Variants in SCN4A observed in about 807,000 individuals in gnomAD.
SCN4A encodes sodium channel protein type 4 subunit alpha.
Under a neutral mutation model 162.0 loss-of-function variants are expected in SCN4A, and 83 were observed. The ratio of observed to expected loss-of-function variants is 0.51; its 90% confidence interval spans 0.43 to 0.61. SCN4A has a LOEUF of 0.61. Among genes scored for constraint, SCN4A ranks in the 20% least tolerant of loss-of-function variants. The pLI is 0.00. For synonymous variants in SCN4A, 944 were observed against 985.1 expected, an observed-to-expected ratio of 0.96 and a Z score of 0.78; for missense variants, 2,196 against 2,462.5, an observed-to-expected ratio of 0.89 and a Z score of 2.29.
chr17:63,953,188 G>A (rs748031399), intron 13 of SCN4A, among the ~76,000 whole-genome samples: 2 of 152,000 alleles, frequency 1.3e-5, no homozygotes, highest in Non-Finnish European at 1.5e-5. Context: ...GTGAAACCCC[G>A]TCTCTACTAA....
rs377161258 is a variant in SCN4A, at chr17:63,941,445, C to G, written c.4837G>C (p.Gly1613Arg). 4 of 1,614,000 alleles carry G rather than the reference C, an allele frequency of 2.5e-6. No individual in the cohort carries two copies. In the African/African-American group the frequency reaches 4.0e-5, roughly 16 times the overall value. Reference sequence around the variant, plus strand: ...TAGAACATCTCAAAGTCATCTTCACCAAGGGGCTCGCTGCTCTCCTCTGTG... The same window carrying G: ...TAGAACATCTCAAAGTCATCTTCACGAAGGGGCTCGCTGCTCTCCTCTGTG... ...VATEESSEPL[G>R]EDDFEMFYET... Residue 1613 changes from glycine (G) to arginine (R), a missense_variant, in exon 24 of 24, where the codon GGT becomes CGT. Coordinates refer to ENST00000435607, the MANE Select transcript of SCN4A (RefSeq NM_000334.4). This position sits in a 1 kb window ranked among gnomAD's most constrained non-coding sequence, Gnocchi z 6.2.
chr17:63,968,728 T>G (rs1331610254), intron 5 of SCN4A, among the ~76,000 whole-genome samples: 2 of 152,216 alleles, frequency 1.3e-5, no homozygotes, highest in Admixed American at 1.3e-4. Context: ...AAGGGGGCGT[T>G]GATAATGTTT....
chr17:63,947,092 G>A lies in SCN4A; in HGVS notation c.3394C>T (p.Arg1132Trp), dbSNP rs778176181. 19 of 1,409,154 alleles carry A rather than the reference G, an allele frequency of 1.3e-5. No individual in the cohort carries two copies. Among genetic ancestry groups the A allele is most frequent in the South Asian group, 5.6e-5 (5 of 88,496 alleles). The allele number at this position is 1,409,154 out of a possible 1,614,324, so 87.3% of individuals were successfully genotyped here. A position where few individuals can be genotyped will look rare whatever the true frequency, so the allele number is the denominator to read the frequency against. Residue 1132 changes from arginine (R) to tryptophan (W), a missense_variant, in exon 18 of 24, where the codon CGG becomes TGG. Transcript: ENST00000435607. The part of the protein sequence containing the change: ...LGPIKSLRTL[R>W]ALRPLRALSR... The stretch of plus-strand genomic sequence containing the variant: ...AGTGCCCTCAGGGGACGCAGGGCCC[G>A]CAGTGTCCGCAGGGATTTGATGGGT...
At chr17:63,964,718 T>A (rs2877373) in intron 8 of SCN4A, 41 bp from the exon 9 acceptor site, 9 of 1,513,796 alleles carry the variant, frequency 5.9e-6, no homozygotes, top group Non-Finnish European at 8.1e-6. Context: ...TCCCATGACG[T>A]CCACCTCCTT....
At chr17:63,946,194 G>A (rs907750630) in intron 18 of SCN4A, among the ~76,000 whole-genome samples, 3 of 152,168 alleles carry the variant, frequency 2.0e-5, no homozygotes, top group African/African-American at 7.2e-5. Flanking sequence ...TAGAGTGGGT[G>A]GCACAAGCCT....
chr17:63,947,842 A>G, intron 17 of SCN4A, 48 bp downstream of exon 17: 1 of 1,593,232 alleles, frequency 6.3e-7, no homozygotes, highest in Non-Finnish European at 8.6e-7. Flanking sequence ...TCCCCGCCAC[A>G]CTGACAGCCT....
At chr17:63,942,592 T>C (rs965112361) in intron 23 of SCN4A, among the ~76,000 whole-genome samples, 2 of 152,248 alleles carry the variant, frequency 1.3e-5, no homozygotes, top group Non-Finnish European at 2.9e-5. Context: ...GGCACCTGAG[T>C]GCACGTCTTC....
Position 63,972,604 on chromosome 17 carries a change from G to A in SCN4A, c.238C>T (p.Leu80=), listed in dbSNP as rs768080216. ...CTGTAGTAGGGATCCAGGTCCTCCA[G>A]GGGGATGCCGATGACCTCCGGCGGG... ...DPPPEVIGIP[L]EDLDPYYSNK... The change falls in exon 1 of 24, where the codon CTG becomes TTG. Residue 80 remains leucine, a synonymous_variant. Transcript: ENST00000435607. This position sits in a 1 kb window ranked among gnomAD's most constrained non-coding sequence, Gnocchi z 4.3. 17 of 1,601,604 alleles carry A rather than the reference G, an allele frequency of 1.1e-5. No individual in the cohort carries two copies. In the African/African-American group the frequency reaches 1.7e-4, roughly 16 times the overall value.
At position 63,960,314 on chromosome 17, in the gene SCN4A, C is replaced by T. The variant is rs79137411; in HGVS notation, c.1846-876G>A. ...GCAGCTGTGCCACGAGTCCAGAGCA[C>T]GCCCTTACCCTTCCAGCCCAGCCTG... On this transcript the variant is annotated intron_variant, in intron 11 of 23. Coordinates refer to ENST00000435607, the MANE Select transcript of SCN4A (RefSeq NM_000334.4). Among the ~76,000 whole-genome samples the T allele has an allele frequency of 5.9e-3, 901 of 152,370 alleles. 1 individual carries two copies. Among genetic ancestry groups the T allele is most frequent in the South Asian group, 0.013 (63 of 4,832 alleles).
intron 18 of SCN4A, 86 bp downstream of exon 18, chr17:63,946,959 G>A (rs1270939533): frequency 7.8e-7 from 1 of 1,287,840 alleles, no homozygotes; most frequent in African/African-American, 1.5e-5. Context: ...GTGGTGGTTG[G>A]AGTATAGACA....
intron 13 of SCN4A, among the ~76,000 whole-genome samples, chr17:63,956,918 G>T (rs1172757167): frequency 2.6e-5 from 4 of 152,262 alleles, no homozygotes; most frequent in Admixed American, 2.0e-4. Context: ...CAGAAATGCA[G>T]GTCCCCAGGC....
At position 63,940,894 on chromosome 17, in the gene SCN4A, G is replaced by T; in HGVS notation, c.5388C>A (p.Gly1796=). 6.2e-7 allele frequency: 1 copy of T among 1,613,896 alleles called. No homozygotes were observed. Among genetic ancestry groups the T allele is most frequent in the Non-Finnish European group, 8.5e-7 (1 of 1,179,868 alleles). Residue 1796 remains glycine, a synonymous_variant, in exon 24 of 24, where the codon GGC becomes GGA. Coordinates refer to ENST00000435607, the MANE Select transcript of SCN4A (RefSeq NM_000334.4). ...NSSSPSPEEK[G]EAGDAGPTMG... ...TAGTGGGTCCGGCGTCCCCTGCCTC[G>T]CCCTTCTCCTCCGGGCTTGGCGAGC... is the stretch of plus-strand genomic sequence containing the variant.
In SCN4A at chr17:63,951,441, C is replaced by T; in HGVS notation, c.2836G>A (p.Glu946Lys). 1.9e-6 allele frequency: 3 copies of T among 1,603,862 alleles called. No individual in the cohort carries two copies. The highest frequency in any genetic ancestry group is 1.7e-6 in the Non-Finnish European group (2 of 1,171,956). ...CGGCTCACCTTGCTATCCTCAGGCT[C>T]TGAGAAAGTGTCGGTTTCCTCCTCG... ...PTEEETDTFS[E>K]PEDSKKPPQP... is the part of the protein sequence containing the mutation. The change falls in exon 14 of 24, where the codon GAG (glutamate) becomes AAG (lysine). Residue 946 changes from glutamate (E) to lysine (K), a missense_variant. Transcript: ENST00000435607. The surrounding 1 kb of genome is among the most constrained non-coding windows in gnomAD (Gnocchi z 4.5).
chr17:63,966,317 G>A (rs1206616921), intron 7 of SCN4A, 74 bp from the exon 8 acceptor site: 3 of 1,510,820 alleles, frequency 2.0e-6, no homozygotes, highest in South Asian at 1.2e-5. Flanking sequence ...GACCCCAAGG[G>A]AAAAATTCCG....
At position 63,944,865 on chromosome 17, in the gene SCN4A, C is replaced by A; in HGVS notation, c.3775-55G>T. 6.2e-7 allele frequency: 1 copy of A among 1,603,638 alleles called. No individual in the cohort carries two copies. On this transcript the variant is annotated intron_variant, in intron 20 of 23. Transcript: ENST00000435607. The surrounding 1 kb of genome is among the most constrained non-coding windows in gnomAD (Gnocchi z 4.3). ...GGTTTGCACGCTGGCTTCTCCCTGC[C>A]CCCCACAGCCCTGAGGGCAGGACCC...
Position 63,963,743 on chromosome 17 carries a change from G to C in SCN4A, c.1535C>G (p.Thr512Arg). ...CGGGGCTCCCTTCTCCCCTTGCGAT[G>C]TGTCCAGGCTGCCATTGCAGTCTTT... ...HGKDCNGSLDTSQGEKGAPRQ... is the reference protein window; with the variant it reads ...HGKDCNGSLDRSQGEKGAPRQ... Residue 512 changes from threonine to arginine, a missense_variant, in exon 10 of 24, where the codon ACA becomes AGA. By Grantham distance (71) the Thr-to-Arg change is moderately conservative. Transcript: ENST00000435607. The C allele has an allele frequency of 6.2e-7, 1 of 1,609,084 alleles. No individual in the cohort carries two copies. Among genetic ancestry groups the C allele is most frequent in the Non-Finnish European group, 8.5e-7 (1 of 1,178,076 alleles).
chr17:63,962,199 A>G (rs1170512021), intron 10 of SCN4A, among the ~76,000 whole-genome samples: 6 of 152,154 alleles, frequency 3.9e-5, no homozygotes, highest in African/African-American at 1.4e-4. Flanking sequence ...CCGAGTTCCC[A>G]GGGAGAGGCG....
rs2009051 is a variant in SCN4A, at chr17:63,965,997, C to T, written c.1242+105G>A. ...GAGTCCATGAGGAGATGGCCCAGTT[C>T]GGGGGTTGGCCATCCTGTGGTAGGC... On this transcript the variant is annotated intron_variant, in intron 8 of 23. Transcript: ENST00000435607. 434 of 771,344 alleles carry T rather than the reference C, an allele frequency of 5.6e-4. 1 individual carries two copies. In the Admixed American group the frequency reaches 7.4e-3, roughly 13 times the overall value. The allele number at this position is 771,344 out of a possible 1,614,324, so 47.8% of individuals were successfully genotyped here. A position where few individuals can be genotyped will look rare whatever the true frequency, so the allele number is the denominator to read the frequency against.
intron 18 of SCN4A, among the ~76,000 whole-genome samples, chr17:63,946,473 C>CT (rs1491246498): frequency 1.6e-5 from 2 of 122,490 alleles, no homozygotes; most frequent in Non-Finnish European, 3.2e-5. Flanking sequence ...CCCCCCCCCC[C>CT]ACCCCGCCGC....
Sources: gnomAD v4.1 joint callset for allele counts (sites outside exome capture counted in the v4.1 genomes callset) on GRCh38, gnomAD v4.1.1 for gene constraint, Gnocchi (gnomAD v3.1) non-coding constraint, MANE v1.5 for transcripts, NCBI Gene and HGNC (gene_info 2026-07-23, HGNC 2026-07-21) for gene names.